FHIT: variants seen among roughly 807,000 people sequenced by gnomAD.
FHIT encodes the protein fragile histidine triad diadenosine triphosphatase, also known as bis(5'-adenosyl)-triphosphatase.
FHIT carries 19 observed loss-of-function variants against 17.9 expected under a neutral mutation model. The ratio of observed to expected loss-of-function variants is 1.06; its 90% CI spans 0.74 to 1.56. FHIT has a LOEUF of 1.56. Ranked by LOEUF, FHIT falls within the 40% of genes most tolerant of loss-of-function variation. The probability of loss-of-function intolerance (pLI) is 0.00; values close to 1 mark genes in which losing one functional copy is unlikely to be tolerated. For synonymous variants in FHIT, 81 were observed against 69.7 expected (o/e 1.16, Z -0.81); for missense variants, 248 against 189.2 (o/e 1.31, Z -1.82).
At chr3:60,361,827 C>T (rs542452453) in intron 5 of FHIT, among the ~76,000 whole-genome samples, 1 of 152,160 alleles carries the variant, frequency 6.6e-6, no homozygotes. Flanking sequence ...GAGGATAAAT[C>T]TTTTTGAGGG....
chr3:60,865,089 C>A (rs1326022288), intron 3 of FHIT, among the ~76,000 whole-genome samples: 1 of 151,876 alleles, frequency 6.6e-6, no homozygotes. Flanking sequence ...TCAGTAGCAA[C>A]AAACCAACTG....
intron 5 of FHIT, among the ~76,000 whole-genome samples, chr3:60,208,135 G>A (rs1703286409): frequency 1.3e-5 from 2 of 152,138 alleles, no homozygotes; most frequent in Middle Eastern, 3.2e-3. Flanking sequence ...TTTTAAATGT[G>A]TTTACACTTT....
At chr3:59,805,970 A>AG (rs1256791603) in intron 8 of FHIT, among the ~76,000 whole-genome samples, 3 of 152,166 alleles carry the variant, frequency 2.0e-5, no homozygotes, top group Non-Finnish European at 2.9e-5. Flanking sequence ...TCACGAGGTC[A>AG]GGAGATCGAG....
intron 2 of FHIT, among the ~76,000 whole-genome samples, chr3:61,185,079 C>A (rs967135393): frequency 6.6e-6 from 1 of 152,188 alleles, no homozygotes; most frequent in Non-Finnish European, 1.5e-5. Flanking sequence ...TTTTTCCCCC[C>A]CACGAAGTAG....
chr3:61,087,123 G>A (rs1019864198), intron 2 of FHIT, among the ~76,000 whole-genome samples: 3 of 152,054 alleles, frequency 2.0e-5, no homozygotes, highest in Admixed American at 2.0e-4. Flanking sequence ...CTTCAAAGAG[G>A]CCTTCTCAAG....
At chr3:60,725,526 A>G (rs2041900315) in intron 4 of FHIT, among the ~76,000 whole-genome samples, 1 of 152,162 alleles carries the variant, frequency 6.6e-6, no homozygotes, top group Non-Finnish European at 1.5e-5. Flanking sequence ...TGTCTATGGC[A>G]TCTTTTGCAT....
At chr3:59,812,327 T>G (rs893044358) in intron 8 of FHIT, among the ~76,000 whole-genome samples, 17 of 152,156 alleles carry the variant, frequency 1.1e-4, no homozygotes, top group African/African-American at 3.9e-4. Context: ...TCTGGACTGA[T>G]CTTGGCCTTA....
chr3:60,521,738 A>C (rs2035375222), intron 5 of FHIT, among the ~76,000 whole-genome samples: 1 of 152,200 alleles, frequency 6.6e-6, no homozygotes, highest in Admixed American at 6.5e-5. Flanking sequence ...AAGTTTCCCC[A>C]TATGGGACTA....
intron 8 of FHIT, among the ~76,000 whole-genome samples, chr3:59,899,788 G>A (rs1203817307): frequency 6.6e-6 from 1 of 152,170 alleles, no homozygotes; most frequent in Non-Finnish European, 1.5e-5. Flanking sequence ...GGAGGTTGCA[G>A]TGAGCCATGA....
At chr3:61,206,740 G>T (rs1239113808) in intron 1 of FHIT, among the ~76,000 whole-genome samples, 1 of 151,868 alleles carries the variant, frequency 6.6e-6, no homozygotes, top group South Asian at 2.1e-4. Flanking sequence ...GGGTTTTCTA[G>T]ATATACAATC....
intron 5 of FHIT, among the ~76,000 whole-genome samples, chr3:60,242,742 TTCTA>T (rs1407924987): frequency 6.6e-6 from 1 of 152,102 alleles, no homozygotes. Context: ...CTTTCATTCT[TTCTA>T]TTGGTTAGAA....
At chr3:60,613,928 G>A (rs1229062703) in intron 4 of FHIT, among the ~76,000 whole-genome samples, 1 of 152,090 alleles carries the variant, frequency 6.6e-6, no homozygotes, top group East Asian at 1.9e-4. Context: ...GAGGTGAAAA[G>A]AGTATATCAG....
At chr3:60,020,494 G>A (rs1338146860) in intron 5 of FHIT, among the ~76,000 whole-genome samples, 3 of 152,114 alleles carry the variant, frequency 2.0e-5, no homozygotes, top group Middle Eastern at 3.2e-3. Context: ...AGGCTGATTA[G>A]CCTGTGTATA....
intron 8 of FHIT, among the ~76,000 whole-genome samples, chr3:59,864,652 G>A (rs2106865676): frequency 6.6e-6 from 1 of 151,660 alleles, no homozygotes; most frequent in East Asian, 1.9e-4. Context: ...ACGACTTGCA[G>A]TTTCTTTGTT....
intron 5 of FHIT, among the ~76,000 whole-genome samples, chr3:60,491,681 G>A (rs1292614616): frequency 6.6e-6 from 1 of 152,066 alleles, no homozygotes; most frequent in African/African-American, 2.4e-5. Flanking sequence ...CGTTCTGTAT[G>A]ATATTTTAAT....
At chr3:60,338,898 A>G (rs560483113) in intron 5 of FHIT, among the ~76,000 whole-genome samples, 9 of 152,172 alleles carry the variant, frequency 5.9e-5, no homozygotes, top group Admixed American at 5.9e-4. Context: ...GCCTGCCTCA[A>G]ACCTCAGCGC....
chr3:60,052,854 G>A (rs1042523017), intron 5 of FHIT, among the ~76,000 whole-genome samples: 6 of 150,096 alleles, frequency 4.0e-5, no homozygotes, highest in South Asian at 2.1e-4. Context: ...AGTATGTCCC[G>A]CGTAATATTT....
At chr3:60,154,773 A>T (rs1240422054) in intron 5 of FHIT, among the ~76,000 whole-genome samples, 1 of 152,190 alleles carries the variant, frequency 6.6e-6, no homozygotes, top group Admixed American at 6.5e-5. Flanking sequence ...ACTTATGCCT[A>T]TATGAAGCAT....
intron 7 of FHIT, among the ~76,000 whole-genome samples, chr3:60,004,297 C>T (rs763119824): frequency 9.9e-5 from 15 of 152,046 alleles, no homozygotes; most frequent in African/African-American, 3.4e-4. Flanking sequence ...ATATGTGCCA[C>T]GTGTCGGCAT....
Sources: gnomAD v4.1 joint callset for allele counts (sites outside exome capture counted in the v4.1 genomes callset) on GRCh38, gnomAD v4.1.1 for gene constraint, MANE v1.5 for transcripts, NCBI Gene and HGNC (gene_info 2026-07-23, HGNC 2026-07-21) for gene names.